FHIT: variants seen among roughly 807,000 people sequenced by gnomAD.
FHIT encodes the protein fragile histidine triad diadenosine triphosphatase, also known as bis(5'-adenosyl)-triphosphatase.
In FHIT, 19 loss-of-function variants were observed where a neutral mutation model predicts 17.9. The observed-to-expected ratio is 1.06, with a 90% CI of 0.74 to 1.56. The LOEUF is 1.56. Ranked by LOEUF, FHIT falls within the 40% of genes most tolerant of loss-of-function variation. FHIT has a pLI of 0.00. For synonymous variants in FHIT, 81 were observed against 69.7 expected, an observed-to-expected ratio of 1.16 and a Z score of -0.81; for missense variants, 248 against 189.2, an observed-to-expected ratio of 1.31 and a Z score of -1.82.
At chr3:60,556,959 C>T (rs1168528846) in intron 4 of FHIT, among the ~76,000 whole-genome samples, 1 of 152,198 alleles carries the variant, frequency 6.6e-6, no homozygotes. Context: ...ATGATGCCAC[C>T]AAGGACATCT....
chr3:60,455,964 T>G (rs1447183558), intron 5 of FHIT, among the ~76,000 whole-genome samples: 2 of 152,114 alleles, frequency 1.3e-5, no homozygotes, highest in Non-Finnish European at 2.9e-5. Context: ...ATAAACTGAG[T>G]CTAGCAAGTG....
chr3:59,760,345 G>C (rs573190105), intron 8 of FHIT, among the ~76,000 whole-genome samples: 6 of 152,164 alleles, frequency 3.9e-5, no homozygotes, highest in African/African-American at 1.4e-4. Context: ...TACTATAACA[G>C]ACCCCAATTG....
At chr3:60,571,097 G>A (rs1373350213) in intron 4 of FHIT, among the ~76,000 whole-genome samples, 1 of 151,998 alleles carries the variant, frequency 6.6e-6, no homozygotes, top group Non-Finnish European at 1.5e-5. Context: ...GGAGGCCGAG[G>A]CAGGTAGATC....
At chr3:59,784,443 T>G (rs181861189) in intron 8 of FHIT, among the ~76,000 whole-genome samples, 1 of 152,200 alleles carries the variant, frequency 6.6e-6, no homozygotes, top group Non-Finnish European at 1.5e-5. Flanking sequence ...AAATCCCAAC[T>G]CCTTAACAAG....
chr3:61,023,110 A>T (rs1450085842), intron 3 of FHIT, among the ~76,000 whole-genome samples: 3 of 152,322 alleles, frequency 2.0e-5, no homozygotes, highest in African/African-American at 7.2e-5. Context: ...TCTCAGCCCA[A>T]AATCTCCTTA....
intron 4 of FHIT, among the ~76,000 whole-genome samples, chr3:60,713,690 A>C (rs1322960562): frequency 2.0e-5 from 3 of 152,224 alleles, no homozygotes; most frequent in African/African-American, 7.2e-5. Flanking sequence ...GAAATGGATA[A>C]ATTCCTCGAC....
chr3:60,198,855 C>T lies in FHIT; in HGVS notation c.104-184703G>A, dbSNP rs1430801045. 3.9e-5 allele frequency among the ~76,000 whole-genome samples: 6 copies of T among 152,154 alleles called. No individual in the cohort carries two copies. The East Asian group carries it at 1.2e-3, about 29-fold the overall frequency. On this transcript the variant is annotated intron_variant, in intron 5 of 9. Transcript: ENST00000492590. Reference sequence around the variant, plus strand: ...CCAGTGTAAAGGTAACGAATTGTCTCACAAGGAATGAAGGCTTATTAATAA... The same window carrying T: ...CCAGTGTAAAGGTAACGAATTGTCTTACAAGGAATGAAGGCTTATTAATAA...
chr3:60,517,791 T>C (rs1451374065), intron 5 of FHIT, among the ~76,000 whole-genome samples: 6 of 152,162 alleles, frequency 3.9e-5, no homozygotes, highest in African/African-American at 7.2e-5. Flanking sequence ...CATGTGAAAC[T>C]AGCAATTAAT....
chr3:60,116,906 G>A lies in FHIT; in HGVS notation c.104-102754C>T, dbSNP rs78712571. On this transcript the variant is annotated intron_variant, in intron 5 of 9. Coordinates refer to ENST00000492590, the MANE Select transcript of FHIT (RefSeq NM_002012.4). ...CCTTCTATTTTTTGAGTTATTTACC[G>A]CTAACAATCTCCCCTCTAGAAAAAG... 3.7e-3 allele frequency among the ~76,000 whole-genome samples: 564 copies of A among 152,024 alleles called. 2 individuals carry two copies. The highest frequency in any genetic ancestry group is 0.012 in the African/African-American group (504 of 41,454).
intron 4 of FHIT, among the ~76,000 whole-genome samples, chr3:60,681,968 A>T (rs1487185538): frequency 6.8e-6 from 1 of 146,380 alleles, no homozygotes; most frequent in Non-Finnish European, 1.5e-5. Context: ...TACACTAAAC[A>T]GCAGATTTTT....
chr3:60,368,719 T>C (rs1700207986), intron 5 of FHIT, among the ~76,000 whole-genome samples: 3 of 152,108 alleles, frequency 2.0e-5, no homozygotes, highest in Non-Finnish European at 4.4e-5. Flanking sequence ...AGCTAGTGCT[T>C]TTTGTGTGCT....
At chr3:60,090,975 T>A (rs1337807303) in intron 5 of FHIT, among the ~76,000 whole-genome samples, 1 of 152,178 alleles carries the variant, frequency 6.6e-6, no homozygotes, top group African/African-American at 2.4e-5. Flanking sequence ...ATCATACTCA[T>A]CCATAATGAC....
chr3:60,989,950 A>G (rs939298754), intron 3 of FHIT, among the ~76,000 whole-genome samples: 28 of 152,150 alleles, frequency 1.8e-4, no homozygotes, highest in African/African-American at 6.5e-4. Context: ...GATGTGGGGT[A>G]ATAAGAAATT....
chr3:60,162,833 T>A lies in FHIT; in HGVS notation c.104-148681A>T, dbSNP rs1700999510. Among the ~76,000 whole-genome samples the A allele has an allele frequency of 2.0e-5, 3 of 152,170 alleles. No homozygotes were observed. The South Asian group carries it at 6.2e-4, about 31-fold the overall frequency. On this transcript the variant is annotated intron_variant, in intron 5 of 9. Transcript: ENST00000492590. ...CATTCCCCTATGGCTTCCCTGGATA[T>A]TGAGAGACCTGGATTATAATTGGAA...
intron 8 of FHIT, among the ~76,000 whole-genome samples, chr3:59,898,586 A>G (rs1030301071): frequency 6.6e-6 from 1 of 152,150 alleles, no homozygotes; most frequent in African/African-American, 2.4e-5. Flanking sequence ...ACAATGAACT[A>G]GAATGTAACA....
chr3:61,250,963 C>G lies in FHIT; in HGVS notation c.-213+338G>C, dbSNP rs533373125. ...TTTCGCTACTTGTCTATGAAACTGA[C>G]GAACCATCCCAAAACGGCGGGTGCC... On this transcript the variant is annotated intron_variant, in intron 1 of 9. Transcript: ENST00000492590. Among the ~76,000 whole-genome samples the G allele has an allele frequency of 5.3e-5, 8 of 152,326 alleles. No individual in the cohort carries two copies. The South Asian group carries it at 1.7e-3, about 32-fold the overall frequency.
At chr3:59,994,044 T>C (rs192951116) in intron 7 of FHIT, among the ~76,000 whole-genome samples, 1 of 152,228 alleles carries the variant, frequency 6.6e-6, no homozygotes, top group African/African-American at 2.4e-5. Context: ...CATCATTATG[T>C]CTCTTTTACA....
At chr3:59,992,731 G>T (rs529070367) in intron 7 of FHIT, among the ~76,000 whole-genome samples, 1 of 152,158 alleles carries the variant, frequency 6.6e-6, no homozygotes, top group South Asian at 2.1e-4. Context: ...GTAAGGCAGA[G>T]GATACAGCTG....
intron 8 of FHIT, among the ~76,000 whole-genome samples, chr3:59,843,664 C>A (rs1459585909): frequency 6.6e-6 from 1 of 152,006 alleles, no homozygotes; most frequent in Non-Finnish European, 1.5e-5. Flanking sequence ...CTTTTTAATT[C>A]TCAATTTTCT....
Sources: allele counts gnomAD v4.1 joint callset (sites outside exome capture counted in the v4.1 genomes callset), GRCh38; gene constraint gnomAD v4.1.1; transcripts MANE v1.5; gene names NCBI Gene and HGNC (gene_info 2026-07-23, HGNC 2026-07-21).